The following CEP192 variants were observed in gnomAD, a reference collection of about 807,000 sequenced individuals.
CEP192 encodes the protein centrosomal protein 192, also known as centrosomal protein of 192 kDa.
A neutral mutation model predicts 271.8 loss-of-function variants in CEP192; 151 were observed. That is an observed-to-expected ratio of 0.56 (90% CI 0.49 to 0.64). The LOEUF is 0.64. Among genes scored for constraint, CEP192 ranks in the 30% least tolerant of loss-of-function variants. The pLI, the probability that CEP192 is intolerant of heterozygous loss-of-function variation, is 0.00. For synonymous variants in CEP192, 995 were observed against 1,076.5 expected (o/e 0.92, Z 1.48); for missense variants, 2,910 against 3,020.5 (o/e 0.96, Z 0.86).
chr18:13,096,076 A>T, intron 35 of CEP192, 108 bp from the exon 36 acceptor site: 1 of 1,102,870 alleles, frequency 9.1e-7, no homozygotes, highest in Non-Finnish European at 1.3e-6. Flanking sequence ...TTGAGAAAGC[A>T]GTAGCATACT....
intron 40 of CEP192, among the ~76,000 whole-genome samples, chr18:13,109,182 G>T (rs1460063389): frequency 1.3e-5 from 2 of 152,184 alleles, no homozygotes; most frequent in Non-Finnish European, 2.9e-5. Context: ...AGAAATGGTG[G>T]ATTGGTACAT....
rs115584358 is a variant in CEP192 at position 13,025,417 on chromosome 18, A to G, written c.1051-4246A>G. ...TTCTTTGTAGAGCTAGGGTCTTGCT[A>G]TGTTGCCCAGTCTGGTCTTGAGCTC... On this transcript the variant is annotated intron_variant, in intron 9 of 44. Coordinates refer to ENST00000506447, the MANE Select transcript of CEP192 (RefSeq NM_032142.4). 5.8e-3 allele frequency among the ~76,000 whole-genome samples: 880 copies of G among 151,930 alleles called. 14 individuals are homozygous for G. Among genetic ancestry groups the G allele is most frequent in the African/African-American group, 0.02 (842 of 41,436 alleles).
intron 33 of CEP192, among the ~76,000 whole-genome samples, chr18:13,089,818 C>T (rs796303397): frequency 3.3e-5 from 5 of 152,148 alleles, no homozygotes; most frequent in Non-Finnish European, 5.9e-5. Context: ...TATAAGTATT[C>T]GATGAAAGAG....
Position 13,087,246 on chromosome 18 carries a change from A to G in CEP192, c.5846A>G (p.Asp1949Gly). ...CCTAAAGTATTGAGGATTTTTCCAG[A>G]TAAATTTGTACTCAAGGAAAGAACA... ...LDPKVLRIFP[D>G]KFVLKERTQE... Residue 1949 changes from aspartate to glycine, a missense_variant, in exon 31 of 45, where the codon GAT (aspartate) becomes GGT (glycine). Physicochemically the swap from Asp to Gly is moderately conservative, Grantham distance 94. Coordinates refer to ENST00000506447, the MANE Select transcript of CEP192 (RefSeq NM_032142.4). 6.2e-7 allele frequency: 1 copy of G among 1,609,210 alleles called. No homozygotes were observed. Among genetic ancestry groups the G allele is most frequent in the Non-Finnish European group, 8.5e-7 (1 of 1,176,018 alleles).
intron 5 of CEP192, among the ~76,000 whole-genome samples, chr18:13,013,625 A>G (rs2034486019): frequency 6.6e-6 from 1 of 152,128 alleles, no homozygotes; most frequent in African/African-American, 2.4e-5. Context: ...GTGAGTGTGT[A>G]TACATGCGCA....
chr18:13,116,641 TCG>T lies in CEP192; in HGVS notation c.7416+140_7416+141del, dbSNP rs2040443716. 7.8e-6 allele frequency: 6 copies of T among 773,092 alleles called. No individual in the cohort carries two copies. The African/African-American group carries it at 1.1e-4, about 14-fold the overall frequency. The allele number at this position is 773,092 out of a possible 1,614,324, so 47.9% of individuals were successfully genotyped here. A position where few individuals can be genotyped will look rare whatever the true frequency, so the allele number is the denominator to read the frequency against. ...TTTTTCTTTTTTTGGAGATGGAGTC[TCG>T]CTGTCGCCCAGGCTGAAGTGCAGTG... On this transcript the variant is annotated intron_variant, in intron 43 of 44. Transcript: ENST00000506447.
chr18:13,062,662 G>C (rs1443714096), intron 21 of CEP192, among the ~76,000 whole-genome samples: 3 of 151,800 alleles, frequency 2.0e-5, no homozygotes, highest in African/African-American at 7.3e-5. Flanking sequence ...TTTTGTTTCA[G>C]ACATGCAGTG....
intron 4 of CEP192, among the ~76,000 whole-genome samples, chr18:13,011,682 A>G (rs2034370547): frequency 6.6e-6 from 1 of 152,054 alleles, no homozygotes; most frequent in African/African-American, 2.4e-5. Context: ...ACACCCAGCT[A>G]ATTTTTGTAT....
At chr18:13,076,220 A>G (rs565795104) in intron 30 of CEP192, among the ~76,000 whole-genome samples, 1 of 152,138 alleles carries the variant, frequency 6.6e-6, no homozygotes, top group Non-Finnish European at 1.5e-5. Flanking sequence ...GTTTCATTTA[A>G]TCATTCTTTT....
intron 44 of CEP192, among the ~76,000 whole-genome samples, chr18:13,123,586 A>AG (rs1223147763): frequency 6.6e-6 from 1 of 152,172 alleles, no homozygotes; most frequent in Non-Finnish European, 1.5e-5. Context: ...GACGAGACTA[A>AG]GGGGTGAAGT....
At chr18:13,105,400 C>T (rs868292064) in intron 40 of CEP192, among the ~76,000 whole-genome samples, 1 of 152,184 alleles carries the variant, frequency 6.6e-6, no homozygotes. Flanking sequence ...AAAAACAGCT[C>T]GGTATTTGTG....
chr18:13,096,323 G>T lies in CEP192; in HGVS notation c.6557+16G>T, dbSNP rs777041436. The T allele has an allele frequency of 6.2e-7, 1 of 1,607,830 alleles. No individual in the cohort carries two copies. The highest frequency in any genetic ancestry group is 1.7e-5 in the Admixed American group (1 of 59,248). On this transcript the variant is annotated intron_variant, in intron 36 of 44. Coordinates refer to ENST00000506447, the MANE Select transcript of CEP192 (RefSeq NM_032142.4). ...TCGCGCCAGAGTAAGTCTGACTTCT[G>T]TGTTGCTCTGCGTGTTACTTAGGTG...
chr18:12,991,911 GTTAAC>G (rs1000625400), intron 1 of CEP192, among the ~76,000 whole-genome samples: 7 of 138,318 alleles, frequency 5.1e-5, no homozygotes, highest in Admixed American at 4.2e-4. Context: ...AAGTAACCTT[GTTAAC>G]TTAACTTAAT....
At chr18:13,003,638 G>T (rs2033799085) in intron 3 of CEP192, among the ~76,000 whole-genome samples, 1 of 151,982 alleles carries the variant, frequency 6.6e-6, no homozygotes, top group Non-Finnish European at 1.5e-5. Context: ...GCAGGACCTT[G>T]ACTCTGACTC....
intron 1 of CEP192, among the ~76,000 whole-genome samples, chr18:12,994,607 G>A (rs1226426112): frequency 3.3e-5 from 5 of 152,106 alleles, no homozygotes; most frequent in Non-Finnish European, 7.4e-5. Context: ...AATGGAGATA[G>A]GAAGATATAG....
At chr18:13,033,616 C>T (rs1404683158) in intron 11 of CEP192, among the ~76,000 whole-genome samples, 1 of 152,192 alleles carries the variant, frequency 6.6e-6, no homozygotes, top group Non-Finnish European at 1.5e-5. Context: ...TGTGCAGGCT[C>T]ATTACTTGCA....
intron 11 of CEP192, among the ~76,000 whole-genome samples, chr18:13,034,130 TAA>T: frequency 6.6e-6 from 1 of 152,310 alleles, no homozygotes; most frequent in South Asian, 2.1e-4. Flanking sequence ...GTATTACTAT[TAA>T]AAAATAAAAA....
chr18:13,037,134 A>T (rs1039626062), intron 11 of CEP192, 103 bp from the exon 12 acceptor site: 1 of 632,296 alleles, frequency 1.6e-6, no homozygotes, highest in Non-Finnish European at 2.8e-6. Flanking sequence ...CATACTTGTT[A>T]CAACTTTATT....
intron 30 of CEP192, among the ~76,000 whole-genome samples, chr18:13,074,661 T>G (rs2038179203): frequency 6.6e-6 from 1 of 152,214 alleles, no homozygotes; most frequent in East Asian, 1.9e-4. Flanking sequence ...TGCCCTGTCC[T>G]CTCACAGAGG....
Sources: allele counts gnomAD v4.1 joint callset (sites outside exome capture counted in the v4.1 genomes callset), GRCh38; gene constraint gnomAD v4.1.1; transcripts MANE v1.5; gene names NCBI Gene and HGNC (gene_info 2026-07-23, HGNC 2026-07-21).